The following CACNA1B variants were observed in gnomAD, a reference collection of about 807,000 sequenced individuals.
The protein encoded by CACNA1B is voltage-dependent N-type calcium channel subunit alpha-1B.
CACNA1B carries 70 observed loss-of-function variants against 247.2 expected under a neutral mutation model. The ratio of observed to expected loss-of-function variants is 0.28; its 90% CI spans 0.23 to 0.35. CACNA1B has a LOEUF of 0.35. Among genes scored for constraint, CACNA1B ranks in the 10% least tolerant of loss-of-function variants. The probability of loss-of-function intolerance (pLI) is 1.00; values close to 1 mark genes in which losing one functional copy is unlikely to be tolerated. For synonymous variants in CACNA1B, 1,231 were observed against 1,294.4 expected, an observed-to-expected ratio of 0.95 and a Z score of 1.05; for missense variants, 2,367 against 3,197.4, an observed-to-expected ratio of 0.74 and a Z score of 6.26.
intron 35 of CACNA1B, among the ~76,000 whole-genome samples, chr9:138,077,724 G>T (rs1289551803): frequency 6.6e-6 from 1 of 152,100 alleles, no homozygotes; most frequent in Non-Finnish European, 1.5e-5. Flanking sequence ...GAGAGAGAGA[G>T]GAGGCAAAGA....
Position 137,952,542 on chromosome 9 carries a change from T to C in CACNA1B, c.1070+165T>C, listed in dbSNP as rs1166308496. Among the ~76,000 whole-genome samples, 1 of 152,172 alleles carries C rather than the reference T, an allele frequency of 6.6e-6. No individual in the cohort carries two copies. The highest frequency in any genetic ancestry group is 1.5e-5 in the Non-Finnish European group (1 of 68,022). ...TGGTAGCCCTTCCTTTGTGCCACCA[T>C]CCTGACCTGTCCTTGATCAGCCTCT... On this transcript the variant is annotated intron_variant, in intron 7 of 46. Coordinates refer to ENST00000371372, the MANE Select transcript of CACNA1B (RefSeq NM_000718.4). This position sits in a 1 kb window ranked among gnomAD's most constrained non-coding sequence, Gnocchi z 4.8.
In CACNA1B at chr9:137,986,566, A is replaced by T; in HGVS notation, c.1901+22A>T. The T allele has an allele frequency of 1.9e-6, 3 of 1,612,700 alleles. No homozygotes were observed. Among genetic ancestry groups the T allele is most frequent in the Non-Finnish European group, 2.5e-6 (3 of 1,179,466 alleles). Reference sequence around the variant, plus strand: ...GACAGTAAGTGGGCCCGGGAGGGAGAGCTCAAGGCTGGGGGCTTGCAGGGA... The same window carrying T: ...GACAGTAAGTGGGCCCGGGAGGGAGTGCTCAAGGCTGGGGGCTTGCAGGGA... On this transcript the variant is annotated intron_variant, in intron 14 of 46. Transcript: ENST00000371372. This position sits in a 1 kb window ranked among gnomAD's most constrained non-coding sequence, Gnocchi z 6.0.
At chr9:138,071,538 C>G (rs1044525920) in intron 32 of CACNA1B, among the ~76,000 whole-genome samples, 1 of 152,204 alleles carries the variant, frequency 6.6e-6, no homozygotes, top group African/African-American at 2.4e-5. Flanking sequence ...GTCTTCACAG[C>G]TCTCCAGGGC....
intron 23 of CACNA1B, 67 bp downstream of exon 23, chr9:138,047,525 C>T: frequency 2.6e-6 from 3 of 1,135,882 alleles, no homozygotes; most frequent in East Asian, 2.3e-5. Context: ...TGAGATGGGA[C>T]CAGGGCAGTG....
Position 138,110,118 on chromosome 9 carries a change from C to CATATAT in CACNA1B, c.5429-2271_5429-2266dup, listed in dbSNP as rs148792012. Among the ~76,000 whole-genome samples, 10 of 134,526 alleles carry CATATAT rather than the reference C, an allele frequency of 7.4e-5. No individual in the cohort carries two copies. In the East Asian group the frequency reaches 8.0e-4, roughly 11 times the overall value. 88.3% of individuals were successfully genotyped at this position (134,526 alleles called of 152,430 possible). A position where few individuals can be genotyped will look rare whatever the true frequency, so the allele number is the denominator to read the frequency against. On this transcript the variant is annotated intron_variant, in intron 39 of 46. Transcript: ENST00000371372. The stretch of plus-strand genomic sequence containing the variant: ...TTGCTATATGATATATATATATATA[C>CATATAT]ATATATATATATATTTGAGACAGTC...
Position 137,988,321 on chromosome 9 carries a change from G to A in CACNA1B, c.1974+1467G>A, listed in dbSNP as rs556669149. ...GGTGGCGACAAGGTGGCAGGTGTGG[G>A]ATGGGAAACTCCAGGTGTGGGCGGG... On this transcript the variant is annotated intron_variant, in intron 15 of 46. Transcript: ENST00000371372. 2.3e-4 allele frequency among the ~76,000 whole-genome samples: 35 copies of A among 152,286 alleles called. 1 individual carries two copies. Among genetic ancestry groups the A allele is most frequent in the African/African-American group, 8.4e-4 (35 of 41,566 alleles).
intron 39 of CACNA1B, among the ~76,000 whole-genome samples, chr9:138,108,308 CAAA>C (rs935431476): frequency 4.5e-5 from 2 of 44,092 alleles, no homozygotes; most frequent in African/African-American, 7.6e-5. Flanking sequence ...AACCCCATCT[CAAA>C]AAAAAAAAAA....
chr9:137,915,126 G>A (rs1268768487), intron 5 of CACNA1B, among the ~76,000 whole-genome samples: 17 of 152,262 alleles, frequency 1.1e-4, no homozygotes, highest in Admixed American at 1.1e-3. Context: ...TGAATGCAGG[G>A]AGATTGGAGC....
intron 15 of CACNA1B, among the ~76,000 whole-genome samples, chr9:138,005,321 A>T (rs890760987): frequency 6.6e-6 from 1 of 152,248 alleles, no homozygotes; most frequent in Non-Finnish European, 1.5e-5. Flanking sequence ...AGCAACATGG[A>T]TGGAAGTGGA....
At position 137,917,561 on chromosome 9, in the gene CACNA1B, C is replaced by A. The variant is rs1957426041; in HGVS notation, c.966+130C>A. On this transcript the variant is annotated intron_variant, in intron 6 of 46. Transcript: ENST00000371372. The surrounding 1 kb of genome is among the most constrained non-coding windows in gnomAD (Gnocchi z 5.5). Reference sequence around the variant, plus strand: ...CCCAGCCCTAGGCTCCTCCCTGCACCCCTAGGATGAAATGCAGGCTCTTTC... The same window carrying A: ...CCCAGCCCTAGGCTCCTCCCTGCACACCTAGGATGAAATGCAGGCTCTTTC... The A allele has an allele frequency of 2.6e-6, 2 of 760,792 alleles. No homozygotes were observed. Among genetic ancestry groups the A allele is most frequent in the South Asian group, 3.7e-5 (2 of 54,078 alleles). The allele number at this position is 760,792 out of a possible 1,614,324, so 47.1% of individuals were successfully genotyped here.
chr9:137,916,781 G>A (rs150388628), intron 5 of CACNA1B, among the ~76,000 whole-genome samples: 2,135 of 151,994 alleles, frequency 0.014, 23 homozygotes, highest in Non-Finnish European at 0.022. Context: ...AACGGTCCTC[G>A]TGGCAGTTTG....
At chr9:138,099,193 A>G (rs1266964234) in intron 37 of CACNA1B, among the ~76,000 whole-genome samples, 1 of 152,244 alleles carries the variant, frequency 6.6e-6, no homozygotes, top group East Asian at 1.9e-4. Context: ...CAGTGTGACC[A>G]CATGTGCACT....
chr9:138,079,019 G>T (rs2131320743), intron 36 of CACNA1B, among the ~76,000 whole-genome samples: 1 of 152,312 alleles, frequency 6.6e-6, no homozygotes, highest in African/African-American at 2.4e-5. Flanking sequence ...GAAACGAGTT[G>T]TCGTTAGTGT....
In CACNA1B at chr9:138,121,514, G is replaced by A; in HGVS notation, c.6535G>A (p.Ala2179Thr). 4 of 1,566,926 alleles carry A rather than the reference G, an allele frequency of 2.6e-6. No homozygotes were observed. Among genetic ancestry groups the A allele is most frequent in the Non-Finnish European group, 3.5e-6 (4 of 1,154,848 alleles). Reference protein sequence around the residue: ...NGSPLLSTSGASTPGRGGRRQ... With the variant: ...NGSPLLSTSGTSTPGRGGRRQ... ...GAGCCCCTTGCTGTCAACATCTGGT[G>A]CTAGCACCCCCGGCCGCGGTGGGCG... The change falls in exon 47 of 47, where the codon GCT (alanine) becomes ACT (threonine). Residue 2179 changes from alanine (A) to threonine (T), a missense_variant. Transcript: ENST00000371372. This position sits in a 1 kb window ranked among gnomAD's most constrained non-coding sequence, Gnocchi z 6.8.
chr9:138,075,891 G>A lies in CACNA1B; in HGVS notation c.4930G>A (p.Ala1644Thr). Residue 1644 changes from alanine to threonine, a missense_variant, in exon 35 of 47, where the codon GCC becomes ACC. By Grantham distance (58) the Ala-to-Thr change is moderately conservative. Coordinates refer to ENST00000371372, the MANE Select transcript of CACNA1B (RefSeq NM_000718.4). Reference sequence around the variant, plus strand: ...CAACAACTTCCGGACGTTTTTGCAAGCCCTGATGCTGCTGTTCAGGTGTGT... The same window carrying A: ...CAACAACTTCCGGACGTTTTTGCAAACCCTGATGCTGCTGTTCAGGTGTGT... Reference protein sequence around the residue: ...RHNNFRTFLQALMLLFRSATG... With the variant: ...RHNNFRTFLQTLMLLFRSATG... 6.2e-7 allele frequency: 1 copy of A among 1,610,562 alleles called. No homozygotes were observed. The highest frequency in any genetic ancestry group is 1.7e-4 in the Middle Eastern group (1 of 6,056).
rs1178418583 is a variant in CACNA1B, at chr9:137,987,000, AG to A, written c.1974+149del. 4.0e-6 allele frequency: 3 copies of A among 748,318 alleles called. No individual in the cohort carries two copies. The highest frequency in any genetic ancestry group is 4.7e-6 in the Non-Finnish European group (2 of 425,952). The allele number at this position is 748,318 out of a possible 1,614,324, so 46.4% of individuals were successfully genotyped here. ...TTTCAGACACAGTGTTCCTCAAACG[AG>A]GGAAGCACAGGCAGTCAGCAACCTG... On this transcript the variant is annotated intron_variant, in intron 15 of 46. Coordinates refer to ENST00000371372, the MANE Select transcript of CACNA1B (RefSeq NM_000718.4). This position sits in a 1 kb window ranked among gnomAD's most constrained non-coding sequence, Gnocchi z 6.0.
chr9:138,056,034 A>G (rs1959483070), intron 26 of CACNA1B, among the ~76,000 whole-genome samples: 1 of 152,086 alleles, frequency 6.6e-6, no homozygotes, highest in South Asian at 2.1e-4. Flanking sequence ...TCAAAAAAAA[A>G]ACAAAAACAG....
chr9:137,941,159 A>G (rs1957728820), intron 6 of CACNA1B, among the ~76,000 whole-genome samples: 1 of 152,132 alleles, frequency 6.6e-6, no homozygotes, highest in Non-Finnish European at 1.5e-5. Context: ...GATTGTTTAC[A>G]TAGAAAACCC....
At chr9:138,113,543 C>G (rs34256584) in intron 40 of CACNA1B, among the ~76,000 whole-genome samples, 6 of 114,878 alleles carry the variant, frequency 5.2e-5, no homozygotes, top group South Asian at 6.8e-4. Context: ...TTGTGGGAGA[C>G]GTGAGGGAGC....
Sources: gnomAD v4.1 joint callset for allele counts (sites outside exome capture counted in the v4.1 genomes callset) on GRCh38, gnomAD v4.1.1 for gene constraint, Gnocchi (gnomAD v3.1) non-coding constraint, MANE v1.5 for transcripts, NCBI Gene and HGNC (gene_info 2026-07-23, HGNC 2026-07-21) for gene names.